FAM20C: variants seen among roughly 807,000 people sequenced by gnomAD.
FAM20C encodes extracellular serine/threonine protein kinase FAM20C.
In FAM20C, 40 loss-of-function variants were observed where a neutral mutation model predicts 51.5. The ratio of observed to expected loss-of-function variants is 0.78; its 90% confidence interval spans 0.60 to 1.01. The LOEUF (loss-of-function observed/expected upper bound fraction) is 1.01, where lower values mean the gene tolerates loss of function less well. Among genes scored for constraint, FAM20C ranks in the 50% least tolerant of loss-of-function variants. The pLI is 0.00. For synonymous variants in FAM20C, 406 were observed against 380.6 expected, an observed-to-expected ratio of 1.07 and a Z score of -0.78; for missense variants, 861 against 844.7, an observed-to-expected ratio of 1.02 and a Z score of -0.24.
chr7:231,527 G>A (rs35995109), intron 3 of FAM20C, among the ~76,000 whole-genome samples: 15,160 of 151,574 alleles, frequency 0.1, 973 homozygotes, highest in Non-Finnish European at 0.15. Context: ...GGGTCCTGGC[G>A]TGGAGGGCTC....
chr7:211,930 G>A (rs1016295978), intron 3 of FAM20C, among the ~76,000 whole-genome samples: 10 of 148,180 alleles, frequency 6.7e-5, no homozygotes, highest in African/African-American at 1.3e-4. Context: ...TCCTCTCACC[G>A]CCGCCCCCCA....
At chr7:204,970 A>T (rs2115057300) in intron 2 of FAM20C, among the ~76,000 whole-genome samples, 1 of 152,324 alleles carries the variant, frequency 6.6e-6, no homozygotes, top group South Asian at 2.1e-4. Flanking sequence ...CCCCCACGCC[A>T]CTGCTGTCCT....
chr7:223,254 A>T (rs180727681), intron 3 of FAM20C, among the ~76,000 whole-genome samples: 164 of 152,232 alleles, frequency 1.1e-3, no homozygotes, highest in Non-Finnish European at 2.1e-3. Context: ...CCTCACAGGG[A>T]TGGAGACGTG....
intron 2 of FAM20C, among the ~76,000 whole-genome samples, chr7:207,972 G>A (rs974767206): frequency 6.6e-6 from 1 of 152,224 alleles, no homozygotes; most frequent in Non-Finnish European, 1.5e-5. Flanking sequence ...GAGGCTACTG[G>A]AGGCTTCCAC....
rs900928396 is a variant in FAM20C, at chr7:193,184, G to GCCGGC, written c.-12_-8dup. On this transcript the variant is annotated 5_prime_UTR_variant, in exon 1 of 10. Transcript: ENST00000313766. ...CGGGCAGAACGCGCTCCAGGCCCGG[G>GCCGGC]CCGGCCCGCGCGGCCATGAAGATGA... 6 of 1,449,998 alleles carry GCCGGC rather than the reference G, an allele frequency of 4.1e-6. No homozygotes were observed. In the Admixed American group the frequency reaches 1.3e-4, roughly 31 times the overall value. 89.8% of individuals were successfully genotyped at this position (1,449,998 alleles called of 1,614,324 possible).
intron 2 of FAM20C, among the ~76,000 whole-genome samples, chr7:200,044 G>C (rs553211365): frequency 6.6e-6 from 1 of 152,370 alleles, no homozygotes; most frequent in South Asian, 2.1e-4. Context: ...AATGAGTCCA[G>C]CTAGAATCCA....
chr7:213,874 G>T (rs753719686), intron 3 of FAM20C, among the ~76,000 whole-genome samples: 1 of 152,050 alleles, frequency 6.6e-6, no homozygotes. Flanking sequence ...GGTGGAGGGG[G>T]GTTTTGTGGT....
intron 2 of FAM20C, among the ~76,000 whole-genome samples, chr7:198,870 T>C (rs1786006478): frequency 6.6e-6 from 1 of 152,232 alleles, no homozygotes; most frequent in Non-Finnish European, 1.5e-5. Context: ...GCTGGGCAGG[T>C]GCCTGAGCCT....
intron 3 of FAM20C, among the ~76,000 whole-genome samples, chr7:217,515 G>A (rs574473622): frequency 2.5e-5 from 3 of 121,902 alleles, no homozygotes; most frequent in South Asian, 2.5e-4. Flanking sequence ...CTGAGATGGT[G>A]GCCTCGGGCT....
At chr7:256,626 C>T (rs1452746225) in intron 6 of FAM20C, 28 bp from the exon 7 acceptor site, 5 of 1,510,156 alleles carry the variant, frequency 3.3e-6, no homozygotes, top group East Asian at 2.5e-5. Flanking sequence ...CTGGCCTGGG[C>T]CCCCCGTCTC....
intron 8 of FAM20C, chr7:257,375 A>C: frequency 2.2e-6 from 1 of 461,052 alleles, no homozygotes; most frequent in East Asian, 4.0e-5. Context: ...GCTGGTAGGA[A>C]GAGCAGGACC....
Position 256,813 on chromosome 7 carries a change from G to A in FAM20C, c.1363+50G>A, listed in dbSNP as rs989482728. On this transcript the variant is annotated intron_variant, in intron 7 of 9. Transcript: ENST00000313766. Reference sequence around the variant, plus strand: ...CCCCGTGTCACTCGCCTTGCGTGGAGCGGATGCACGCAGGGCTCTGCAGGG... The same window carrying A: ...CCCCGTGTCACTCGCCTTGCGTGGAACGGATGCACGCAGGGCTCTGCAGGG... 6 of 1,486,138 alleles carry A rather than the reference G, an allele frequency of 4.0e-6. No individual in the cohort carries two copies. In the African/African-American group the frequency reaches 6.9e-5, roughly 17 times the overall value. The allele number at this position is 1,486,138 out of a possible 1,614,324, so 92.1% of individuals were successfully genotyped here.
intron 3 of FAM20C, among the ~76,000 whole-genome samples, chr7:240,338 T>TAAGG (rs1787898761): frequency 6.2e-4 from 9 of 14,460 alleles, no homozygotes; most frequent in Middle Eastern, 0.033. Flanking sequence ...AGGTGATGAT[T>TAAGG]ATGATGTTGA....
chr7:246,628 G>T (rs1335398699), intron 4 of FAM20C, 121 bp downstream of exon 4: 1 of 637,734 alleles, frequency 1.6e-6, no homozygotes, highest in Admixed American at 2.9e-5. Flanking sequence ...ATCAGGCAGC[G>T]CCGGTGCCTG....
At chr7:207,676 G>T (rs1786493362) in intron 2 of FAM20C, among the ~76,000 whole-genome samples, 1 of 152,248 alleles carries the variant, frequency 6.6e-6, no homozygotes, top group Admixed American at 6.5e-5. Context: ...CGTGTGACCA[G>T]TCCCTGGTGT....
intron 3 of FAM20C, among the ~76,000 whole-genome samples, chr7:226,290 G>T (rs1300801044): frequency 2.0e-5 from 3 of 152,114 alleles, no homozygotes; most frequent in Non-Finnish European, 4.4e-5. Context: ...AGCTGTCTGA[G>T]TCCCTGGAGA....
chr7:198,813 A>G (rs1786004788), intron 2 of FAM20C, among the ~76,000 whole-genome samples: 1 of 152,194 alleles, frequency 6.6e-6, no homozygotes, highest in African/African-American at 2.4e-5. Flanking sequence ...TTTGTACAGC[A>G]GCAGCATTTC....
At chr7:196,003 G>A (rs908408809) in intron 2 of FAM20C, among the ~76,000 whole-genome samples, 3 of 152,246 alleles carry the variant, frequency 2.0e-5, no homozygotes, top group African/African-American at 7.2e-5. Context: ...CACCTGGGTG[G>A]TCCCGGGGGT....
Position 235,498 on chromosome 7 carries a change from T to C in FAM20C, c.864-10917T>C, listed in dbSNP as rs887462761. Among the ~76,000 whole-genome samples the C allele has an allele frequency of 2.4e-4, 36 of 147,982 alleles. 2 individuals are homozygous for C. The East Asian group carries it at 3.1e-3, about 13-fold the overall frequency. ...AAGTTCTATTCCACCCTGCACATAG[T>C]CAGCTTGTTTGTTTTAATAATTTCC... On this transcript the variant is annotated intron_variant, in intron 3 of 9. Coordinates refer to ENST00000313766, the MANE Select transcript of FAM20C (RefSeq NM_020223.4).
Sources: allele counts gnomAD v4.1 joint callset (sites outside exome capture counted in the v4.1 genomes callset), GRCh38; gene constraint gnomAD v4.1.1; transcripts MANE v1.5; gene names NCBI Gene and HGNC (gene_info 2026-07-23, HGNC 2026-07-21).